Variants in GRIK4 observed in about 807,000 individuals in gnomAD.
GRIK4 encodes the protein glutamate ionotropic receptor kainate type subunit 4.
GRIK4 carries 40 observed loss-of-function variants against 104.9 expected under a neutral mutation model. The ratio of observed to expected loss-of-function variants is 0.38; its 90% CI spans 0.30 to 0.50. The LOEUF (loss-of-function observed/expected upper bound fraction) is 0.50. Ranked by LOEUF, GRIK4 falls within the 20% of genes least tolerant of loss-of-function variation. The probability of loss-of-function intolerance (pLI) is 0.93; values close to 1 mark genes in which losing one functional copy is unlikely to be tolerated. For missense variants in GRIK4, 1,047 were observed against 1,308.1 expected (o/e 0.80, Z 3.08); for synonymous variants, 485 against 524.9 (o/e 0.92, Z 1.04).
At chr11:120,518,553 T>A (rs939010373) in intron 1 of GRIK4, among the ~76,000 whole-genome samples, 2 of 151,970 alleles carry the variant, frequency 1.3e-5, no homozygotes, top group African/African-American at 4.8e-5. Context: ...GTCCAAGCAG[T>A]GTAACGGGAG....
chr11:120,540,024 G>A (rs1948016544), intron 1 of GRIK4, among the ~76,000 whole-genome samples: 1 of 152,124 alleles, frequency 6.6e-6, no homozygotes, highest in Non-Finnish European at 1.5e-5. Context: ...TCCTGGGCTG[G>A]GGCTGGGCCT....
intron 13 of GRIK4, among the ~76,000 whole-genome samples, chr11:120,925,690 G>A (rs768498669): frequency 6.6e-5 from 10 of 152,092 alleles, no homozygotes; most frequent in East Asian, 1.9e-4. Flanking sequence ...TGAGCATATC[G>A]GCCAGGCGCA....
intron 1 of GRIK4, among the ~76,000 whole-genome samples, chr11:120,516,220 A>T (rs1055546304): frequency 3.9e-5 from 6 of 152,168 alleles, no homozygotes; most frequent in Non-Finnish European, 7.3e-5. Context: ...GTTTGGGTGG[A>T]TAGCACACCA....
intron 3 of GRIK4, among the ~76,000 whole-genome samples, chr11:120,718,637 T>C (rs1337042799): frequency 6.6e-6 from 1 of 152,308 alleles, no homozygotes; most frequent in African/African-American, 2.4e-5. Context: ...TTGAGCATTG[T>C]CTGTACGCTG....
intron 3 of GRIK4, among the ~76,000 whole-genome samples, chr11:120,667,499 C>T (rs1949936544): frequency 6.6e-6 from 1 of 152,278 alleles, no homozygotes; most frequent in Non-Finnish European, 1.5e-5. Flanking sequence ...ATCCCACTCA[C>T]AGCCTCGCGG....
chr11:120,779,561 A>G (rs1350542279), intron 3 of GRIK4, among the ~76,000 whole-genome samples: 3 of 152,252 alleles, frequency 2.0e-5, no homozygotes, highest in Non-Finnish European at 4.4e-5. Flanking sequence ...GCCTGCACCC[A>G]GAAGTCACAT....
At chr11:120,914,687 A>T (rs1943069882) in intron 13 of GRIK4, among the ~76,000 whole-genome samples, 1 of 152,126 alleles carries the variant, frequency 6.6e-6, no homozygotes, top group Admixed American at 6.5e-5. Flanking sequence ...GCCAGTCGTG[A>T]TAGGGTTTAT....
intron 1 of GRIK4, among the ~76,000 whole-genome samples, chr11:120,517,200 C>G (rs1947739204): frequency 6.7e-6 from 1 of 149,292 alleles, no homozygotes; most frequent in African/African-American, 2.5e-5. Flanking sequence ...ATCCCTAGTG[C>G]TTGCATAGAA....
chr11:120,679,759 A>G (rs981161340), intron 3 of GRIK4, among the ~76,000 whole-genome samples: 5 of 152,076 alleles, frequency 3.3e-5, no homozygotes, highest in Non-Finnish European at 7.4e-5. Context: ...ACTCTTTCTC[A>G]GTTCTGTCTT....
chr11:120,713,505 C>T (rs951645386), intron 3 of GRIK4, among the ~76,000 whole-genome samples: 23 of 152,196 alleles, frequency 1.5e-4, no homozygotes, highest in African/African-American at 5.6e-4. Context: ...TTGGCAAATG[C>T]AGAAAGCACC....
chr11:120,819,850 C>T lies in GRIK4; in HGVS notation c.441C>T (p.Ser147=), dbSNP rs1458696523. 6 of 1,613,706 alleles carry T rather than the reference C, an allele frequency of 3.7e-6. No individual in the cohort carries two copies. The highest frequency in any genetic ancestry group is 2.2e-5 in the East Asian group (1 of 44,892). ...LNLHPSNTDI[S]VAVAGILNFF... ...TCCACCCCAGCAACACTGACATCAG[C>T]GTGGCTGTAGCTGGGATCCTGAACT... Residue 147 remains serine (S), a synonymous_variant, in exon 6 of 21, where the codon AGC becomes AGT. Coordinates refer to ENST00000527524, the MANE Select transcript of GRIK4 (RefSeq NM_014619.5). This position sits in a 1 kb window ranked among gnomAD's most constrained non-coding sequence, Gnocchi z 4.3.
At chr11:120,949,636 T>A (rs1353909617) in intron 14 of GRIK4, among the ~76,000 whole-genome samples, 1 of 152,122 alleles carries the variant, frequency 6.6e-6, no homozygotes, top group Non-Finnish European at 1.5e-5. Flanking sequence ...GAGAGTTTGC[T>A]GGCATTGGGG....
At chr11:120,534,372 C>T (rs1802558835) in intron 1 of GRIK4, among the ~76,000 whole-genome samples, 1 of 152,018 alleles carries the variant, frequency 6.6e-6, no homozygotes, top group Non-Finnish European at 1.5e-5. Context: ...CACCCAGAGC[C>T]CAGGATAGAG....
At chr11:120,628,012 G>A (rs1158788254) in intron 1 of GRIK4, among the ~76,000 whole-genome samples, 1 of 152,228 alleles carries the variant, frequency 6.6e-6, no homozygotes, top group Non-Finnish European at 1.5e-5. Context: ...GATGGTGAGA[G>A]GCAATGTATA....
chr11:120,781,139 T>C (rs1413760909), intron 3 of GRIK4, among the ~76,000 whole-genome samples: 10 of 151,934 alleles, frequency 6.6e-5, no homozygotes, highest in Non-Finnish European at 1.2e-4. Flanking sequence ...TTCTTTCTTT[T>C]TTTTTTTTTG....
intron 4 of GRIK4, among the ~76,000 whole-genome samples, chr11:120,807,370 G>C (rs145522482): frequency 1.2e-3 from 189 of 152,306 alleles, no homozygotes; most frequent in African/African-American, 4.3e-3. Context: ...GGGCTTCCCT[G>C]TCAACCCCTC....
chr11:120,763,389 A>G (rs1951782438), intron 3 of GRIK4, among the ~76,000 whole-genome samples: 1 of 152,076 alleles, frequency 6.6e-6, no homozygotes, highest in Admixed American at 6.6e-5. Context: ...TTTTCAAAAA[A>G]CCAGTTCCTG....
At position 120,819,212 on chromosome 11, in the gene GRIK4, A is replaced by C. The variant is rs1360888728; in HGVS notation, c.346-543A>C. ...CGCATGTGTGTCTGTGCGGGAGCCC[A>C]TCCCCGCCCCACTTCCTCTCCCTGG... On this transcript the variant is annotated intron_variant, in intron 5 of 20. Coordinates refer to ENST00000527524, the MANE Select transcript of GRIK4 (RefSeq NM_014619.5). This position sits in a 1 kb window ranked among gnomAD's most constrained non-coding sequence, Gnocchi z 4.3. Among the ~76,000 whole-genome samples the C allele has an allele frequency of 6.6e-6, 1 of 152,164 alleles. No individual in the cohort carries two copies. Among genetic ancestry groups the C allele is most frequent in the Non-Finnish European group, 1.5e-5 (1 of 68,034 alleles).
chr11:120,673,195 C>G (rs952283355), intron 3 of GRIK4, among the ~76,000 whole-genome samples: 2 of 152,184 alleles, frequency 1.3e-5, no homozygotes, highest in African/African-American at 2.4e-5. Flanking sequence ...GGGAAAAACC[C>G]TTTGTTTAGT....
Sources: gnomAD v4.1 joint callset for allele counts (sites outside exome capture counted in the v4.1 genomes callset) on GRCh38, gnomAD v4.1.1 for gene constraint, Gnocchi (gnomAD v3.1) non-coding constraint, MANE v1.5 for transcripts, NCBI Gene and HGNC (gene_info 2026-07-23, HGNC 2026-07-21) for gene names.